CA13: variants seen among roughly 807,000 people sequenced by gnomAD.
CA13 encodes carbonic anhydrase 13.
In CA13, 21 loss-of-function variants were observed where a neutral mutation model predicts 31.5. The ratio of observed to expected loss-of-function variants is 0.67; its 90% CI spans 0.47 to 0.96. The LOEUF (loss-of-function observed/expected upper bound fraction) is 0.96, where lower values mean the gene tolerates loss of function less well. Ranked by LOEUF, CA13 falls within the 40% of genes least tolerant of loss-of-function variation. CA13 has a pLI of 0.00. For missense variants in CA13, 315 were observed against 318.9 expected (o/e 0.99, Z 0.09); for synonymous variants, 117 against 111.4 (o/e 1.05, Z -0.32).
chr8:85,256,672 A>G (rs1253378686), intron 2 of CA13, among the ~76,000 whole-genome samples: 1 of 152,240 alleles, frequency 6.6e-6, no homozygotes, highest in Non-Finnish European at 1.5e-5. Context: ...TTGGTAACCT[A>G]TGACAATGTG....
intron 1 of CA13, among the ~76,000 whole-genome samples, chr8:85,248,622 A>G (rs6605610): frequency 0.61 from 92,494 of 151,336 alleles, 28,737 homozygotes; most frequent in Non-Finnish European, 0.65. Context: ...TTTTTTTTGG[A>G]AAAATTGAAA....
chr8:85,276,553 G>A (rs1019400963), intron 6 of CA13, among the ~76,000 whole-genome samples: 5 of 152,244 alleles, frequency 3.3e-5, no homozygotes, highest in South Asian at 4.2e-4. Context: ...TATTCCAATC[G>A]GCACTCTGTA....
intron 6 of CA13, among the ~76,000 whole-genome samples, chr8:85,274,967 T>C (rs1587545236): frequency 1.3e-5 from 2 of 152,264 alleles, no homozygotes; most frequent in East Asian, 3.9e-4. Flanking sequence ...TAATTGTGCC[T>C]AGGAAGCAAG....
intron 2 of CA13, among the ~76,000 whole-genome samples, chr8:85,258,506 A>G (rs1429130334): frequency 1.3e-5 from 2 of 152,078 alleles, no homozygotes; most frequent in Non-Finnish European, 2.9e-5. Context: ...ACAGTAAAAA[A>G]CTGTGTTGAT....
At chr8:85,259,073 A>G (rs1273473448) in intron 2 of CA13, among the ~76,000 whole-genome samples, 1 of 152,210 alleles carries the variant, frequency 6.6e-6, no homozygotes, top group Non-Finnish European at 1.5e-5. Flanking sequence ...ACCTGTCTGC[A>G]TGTCACATCC....
chr8:85,251,200 C>T (rs1284457495), intron 2 of CA13, among the ~76,000 whole-genome samples: 1 of 151,996 alleles, frequency 6.6e-6, no homozygotes, highest in Non-Finnish European at 1.5e-5. Context: ...GACAGGGTTT[C>T]ACCATGTTGG....
At chr8:85,264,859 C>T (rs1305438771) in intron 3 of CA13, among the ~76,000 whole-genome samples, 2 of 152,300 alleles carry the variant, frequency 1.3e-5, no homozygotes, top group South Asian at 2.1e-4. Context: ...TTTCATCACC[C>T]GGTGTTTTCA....
In CA13 at chr8:85,277,261, C is replaced by T. The variant is rs189461561; in HGVS notation, c.670-3969C>T. ...CGTTTATGAGCTGCAACACTCACTG[C>T]AAAGGTCTGCAGCTTCACTCCTGAA... On this transcript the variant is annotated intron_variant, in intron 6 of 6. Transcript: ENST00000321764. Among the ~76,000 whole-genome samples the T allele has an allele frequency of 2.0e-5, 3 of 152,158 alleles. No individual in the cohort carries two copies. The East Asian group carries it at 5.8e-4, about 29-fold the overall frequency.
intron 2 of CA13, among the ~76,000 whole-genome samples, chr8:85,253,526 A>G (rs965897280): frequency 3.9e-5 from 6 of 152,212 alleles, no homozygotes; most frequent in African/African-American, 1.4e-4. Flanking sequence ...CGGTCTCCCA[A>G]AGTGCTGGGA....
intron 1 of CA13, 104 bp from the exon 2 acceptor site, chr8:85,250,636 C>A: frequency 1.4e-6 from 1 of 695,636 alleles, no homozygotes. Context: ...TTTTATTAAT[C>A]TTTGCGTTTT....
At chr8:85,272,124 C>T (rs2129995410) in intron 6 of CA13, among the ~76,000 whole-genome samples, 1 of 152,270 alleles carries the variant, frequency 6.6e-6, no homozygotes, top group Admixed American at 6.5e-5. Context: ...TGCTCTTTTG[C>T]AGTCCTTCAC....
intron 1 of CA13, among the ~76,000 whole-genome samples, chr8:85,248,587 C>T (rs1252368486): frequency 6.6e-6 from 1 of 150,926 alleles, no homozygotes; most frequent in Non-Finnish European, 1.5e-5. Context: ...ATGGGGGGGA[C>T]AAGGAGAAGG....
At chr8:85,246,206 A>G in intron 1 of CA13, 1 of 484,506 alleles carries the variant, frequency 2.1e-6, no homozygotes, top group Non-Finnish European at 3.8e-6. Context: ...CTTGGAGATC[A>G]GAAGTCTGAT....
In CA13 at chr8:85,245,672, C is replaced by A; in HGVS notation, c.-157C>A. The A allele has an allele frequency of 2.6e-6, 2 of 777,936 alleles. No homozygotes were observed. Among genetic ancestry groups the A allele is most frequent in the East Asian group, 2.5e-5 (1 of 39,498 alleles). The allele number at this position is 777,936 out of a possible 1,614,324, so 48.2% of individuals were successfully genotyped here. ...GCACGCCTCTGCCGTCTGGAGGACGCAGGCGGGAGCGCCCCGGACCGGGTT... is the reference window on the plus strand; with the variant it reads ...GCACGCCTCTGCCGTCTGGAGGACGAAGGCGGGAGCGCCCCGGACCGGGTT... On this transcript the variant is annotated 5_prime_UTR_variant, in exon 1 of 7. Transcript: ENST00000321764.
At chr8:85,277,226 G>A (rs1322676870) in intron 6 of CA13, among the ~76,000 whole-genome samples, 1 of 152,046 alleles carries the variant, frequency 6.6e-6, no homozygotes, top group Non-Finnish European at 1.5e-5. Flanking sequence ...CACTCTTTGG[G>A]TCCACACTGC....
chr8:85,246,473 C>T (rs1420807879), intron 1 of CA13: 3 of 456,026 alleles, frequency 6.6e-6, no homozygotes, highest in Admixed American at 4.7e-5. Flanking sequence ...TTCAGGTTCT[C>T]GCTGGGAAAT....
In CA13 at chr8:85,245,685, C is replaced by T. The variant is rs1227847426; in HGVS notation, c.-144C>T. On this transcript the variant is annotated 5_prime_UTR_variant, in exon 1 of 7. Transcript: ENST00000321764. The stretch of plus-strand genomic sequence containing the variant: ...GTCTGGAGGACGCAGGCGGGAGCGC[C>T]CCGGACCGGGTTCACGGTCTCGCAC... 2 of 922,076 alleles carry T rather than the reference C, an allele frequency of 2.2e-6. No homozygotes were observed. The highest frequency in any genetic ancestry group is 1.5e-5 in the South Asian group (1 of 67,750). The allele number at this position is 922,076 out of a possible 1,614,324, so 57.1% of individuals were successfully genotyped here.
chr8:85,245,460 T>A lies in CA13; in HGVS notation c.-369T>A. 1 of 224,870 alleles carries A rather than the reference T, an allele frequency of 4.4e-6. No homozygotes were observed. The highest frequency in any genetic ancestry group is 8.7e-5 in the South Asian group (1 of 11,492). The allele number at this position is 224,870 out of a possible 1,614,324, so 13.9% of individuals were successfully genotyped here. The stretch of plus-strand genomic sequence containing the variant: ...GCAGTTCCAGGCTCTGGTGACTCAT[T>A]CACTTCCTGGAAGTCCTCTAGGCAA... On this transcript the variant is annotated 5_prime_UTR_variant, in exon 1 of 7. Transcript: ENST00000321764.
In CA13 at chr8:85,245,577, C is replaced by T; in HGVS notation, c.-252C>T. The T allele has an allele frequency of 1.9e-6, 1 of 532,366 alleles. No individual in the cohort carries two copies. Among genetic ancestry groups the T allele is most frequent in the Non-Finnish European group, 3.3e-6 (1 of 301,176 alleles). 33.0% of individuals were successfully genotyped at this position (532,366 alleles called of 1,614,324 possible). ...CCGTCTCTCCCTCTAACTCAAATCT[C>T]TCATTCCCGAGTCCAAACTAAGAGA... On this transcript the variant is annotated 5_prime_UTR_variant, in exon 1 of 7. Transcript: ENST00000321764.
Sources: gnomAD v4.1 joint callset for allele counts (sites outside exome capture counted in the v4.1 genomes callset) on GRCh38, gnomAD v4.1.1 for gene constraint, MANE v1.5 for transcripts, NCBI Gene and HGNC (gene_info 2026-07-23, HGNC 2026-07-21) for gene names.